FAM120B: variants seen among roughly 807,000 people sequenced by gnomAD.
FAM120B encodes the protein family with sequence similarity 120 member B.
Under a neutral mutation model 96.3 loss-of-function variants are expected in FAM120B, and 83 were observed. That is an observed-to-expected ratio of 0.86 (90% CI 0.72 to 1.03). FAM120B has a LOEUF of 1.03. Ranked by LOEUF, FAM120B falls within the 50% of genes least tolerant of loss-of-function variation. FAM120B has a pLI of 0.00. For synonymous variants in FAM120B, 407 were observed against 402.7 expected, an observed-to-expected ratio of 1.01 and a Z score of -0.13; for missense variants, 1,027 against 1,121.2, an observed-to-expected ratio of 0.92 and a Z score of 1.20.
chr6:170,294,526 C>G (rs1227072042), upstream of FAM120B, among the ~76,000 whole-genome samples: 1 of 152,200 alleles, frequency 6.6e-6, no homozygotes, highest in Non-Finnish European at 1.5e-5. This position sits in a 1 kb window ranked among gnomAD's most constrained non-coding sequence, Gnocchi z 7.9. Flanking sequence ...CACTGAGTAT[C>G]TCCCCACCAT....
intron 1 of FAM120B, among the ~76,000 whole-genome samples, chr6:170,297,018 C>G (rs1409020562): frequency 1.3e-5 from 2 of 152,268 alleles, no homozygotes; most frequent in African/African-American, 4.8e-5. Flanking sequence ...ATCACCCACG[C>G]TGGGCTCAGC....
chr6:170,318,070 G>A lies in FAM120B; in HGVS notation c.680G>A (p.Cys227Tyr), dbSNP rs767495322. ...GTGGCCGACCTTCCTCTTCTGGCCT[G>A]CCTCCTTGGCAACGACATAATCCCA... ...LCVADLPLLA[C>Y]LLGNDIIPEG... Residue 227 changes from cysteine (C) to tyrosine (Y), a missense_variant, in exon 2 of 11, where the codon TGC becomes TAC. By Grantham distance (194) the Cys-to-Tyr change is radical. Coordinates refer to ENST00000476287, the MANE Select transcript of FAM120B (RefSeq NM_032448.3). 1.9e-6 allele frequency: 3 copies of A among 1,614,050 alleles called. No homozygotes were observed. Among genetic ancestry groups the A allele is most frequent in the African/African-American group, 1.3e-5 (1 of 74,928 alleles).
At chr6:170,388,724 A>C (rs866394990) in intron 7 of FAM120B, among the ~76,000 whole-genome samples, 1 of 152,184 alleles carries the variant, frequency 6.6e-6, no homozygotes, top group Non-Finnish European at 1.5e-5. Flanking sequence ...TGGATTTTGA[A>C]TGTTTTTGGA....
upstream of FAM120B, chr6:170,306,571 G>A (rs1422143681): frequency 6.6e-6 from 1 of 152,198 alleles, no homozygotes; most frequent in Admixed American, 6.5e-5. Context: ...CAGTTGCTGT[G>A]GCAACAGGCC....
At chr6:170,308,393 T>C (rs548001654) in intron 1 of FAM120B, among the ~76,000 whole-genome samples, 12 of 152,312 alleles carry the variant, frequency 7.9e-5, no homozygotes, top group African/African-American at 2.9e-4. Flanking sequence ...GTTTGGTTTC[T>C]AACCACCTAA....
At chr6:170,340,985 A>G (rs1786783979) in intron 4 of FAM120B, among the ~76,000 whole-genome samples, 1 of 152,220 alleles carries the variant, frequency 6.6e-6, no homozygotes, top group African/African-American at 2.4e-5. Context: ...TTGAGGAAGC[A>G]GTCTGTCCCT....
At chr6:170,303,702 C>G (rs563932349), upstream of FAM120B, among the ~76,000 whole-genome samples, 3 of 152,296 alleles carry the variant, frequency 2.0e-5, no homozygotes, top group East Asian at 5.8e-4. Context: ...CGTAAGGTCA[C>G]CTCCCTTTTT....
chr6:170,354,116 C>G (rs1787747514), intron 5 of FAM120B, among the ~76,000 whole-genome samples: 1 of 152,088 alleles, frequency 6.6e-6, no homozygotes, highest in African/African-American at 2.4e-5. Context: ...GAAATAAGAC[C>G]ACACATCTAC....
chr6:170,403,570 ACT>A (rs1269562097), intron 9 of FAM120B, among the ~76,000 whole-genome samples: 2 of 152,192 alleles, frequency 1.3e-5, no homozygotes, highest in African/African-American at 4.8e-5. Context: ...CCTGGCCTGA[ACT>A]CTCTGGTCCA....
intron 9 of FAM120B, among the ~76,000 whole-genome samples, chr6:170,396,344 G>A (rs1778161439): frequency 6.6e-6 from 1 of 152,176 alleles, no homozygotes; most frequent in African/African-American, 2.4e-5. Context: ...GGAGGCTGCG[G>A]GGCCGCACAT....
chr6:170,302,429 C>A (rs1784161454), upstream of FAM120B, among the ~76,000 whole-genome samples: 1 of 152,196 alleles, frequency 6.6e-6, no homozygotes, highest in Non-Finnish European at 1.5e-5. Context: ...GGGACACAGC[C>A]AAACCATATC....
At chr6:170,316,624 C>T (rs1049992060) in intron 1 of FAM120B, among the ~76,000 whole-genome samples, 3 of 152,222 alleles carry the variant, frequency 2.0e-5, no homozygotes, top group African/African-American at 7.2e-5. Flanking sequence ...CAGTCAATCA[C>T]TATCTCAGAT....
intron 9 of FAM120B, among the ~76,000 whole-genome samples, chr6:170,400,605 G>A (rs1198208308): frequency 2.6e-5 from 4 of 152,118 alleles, no homozygotes; most frequent in Admixed American, 1.3e-4. Flanking sequence ...CTGCAGGGAC[G>A]GCACCTCCAC....
intron 1 of FAM120B, among the ~76,000 whole-genome samples, chr6:170,313,279 AG>A (rs966799164): frequency 2.6e-5 from 4 of 152,318 alleles, no homozygotes; most frequent in Admixed American, 2.0e-4. Flanking sequence ...GGTGTTTAAG[AG>A]GTCCCTATGA....
chr6:170,401,863 T>C (rs1293755637), intron 9 of FAM120B, among the ~76,000 whole-genome samples: 1 of 152,246 alleles, frequency 6.6e-6, no homozygotes, highest in East Asian at 1.9e-4. Context: ...GTTCCAAGCA[T>C]TTCAGAAAGG....
chr6:170,400,764 G>A lies in FAM120B; in HGVS notation c.2693-3786G>A, dbSNP rs926401712. ...TTCTGTTAAAAATAAAGCAATGTCC[G>A]TCCTACCTCAGTATCGCTGTTCTTG... is the stretch of plus-strand genomic sequence containing the variant. On this transcript the variant is annotated intron_variant, in intron 9 of 10. Coordinates refer to ENST00000476287, the MANE Select transcript of FAM120B (RefSeq NM_032448.3). 3.3e-5 allele frequency among the ~76,000 whole-genome samples: 5 copies of A among 152,252 alleles called. No homozygotes were observed. The South Asian group carries it at 8.3e-4, about 25-fold the overall frequency.
intron 6 of FAM120B, among the ~76,000 whole-genome samples, chr6:170,367,395 T>C (rs1788867439): frequency 6.6e-6 from 1 of 152,250 alleles, no homozygotes; most frequent in African/African-American, 2.4e-5. Context: ...GAAACGCAAA[T>C]TTCTATGTCC....
Position 170,295,483 on chromosome 6 carries a change from C to A in FAM120B, c.48+30C>A, listed in dbSNP as rs1783976506. The A allele has an allele frequency of 1.4e-6, 1 of 696,278 alleles. No homozygotes were observed. The highest frequency in any genetic ancestry group is 2.6e-6 in the Non-Finnish European group (1 of 382,084). The allele number at this position is 696,278 out of a possible 1,614,324, so 43.1% of individuals were successfully genotyped here. A position where few individuals can be genotyped will look rare whatever the true frequency, so the allele number is the denominator to read the frequency against. On this transcript the variant is annotated intron_variant, in intron 1 of 10. Transcript: ENST00000537664. This position sits in a 1 kb window ranked among gnomAD's most constrained non-coding sequence, Gnocchi z 7.8. ...GCGCCGCCCGCGTGCACACAAGGCG[C>A]GCGGCCCCCAGGCAGCCGCGCTTCC... is the stretch of plus-strand genomic sequence containing the variant.
intron 4 of FAM120B, among the ~76,000 whole-genome samples, chr6:170,336,282 C>G (rs1465217703): frequency 6.6e-6 from 1 of 152,184 alleles, no homozygotes; most frequent in Non-Finnish European, 1.5e-5. Flanking sequence ...CCAGTTTTCA[C>G]AGCACCATTT....
Sources: gnomAD v4.1 joint callset for allele counts (sites outside exome capture counted in the v4.1 genomes callset) on GRCh38, gnomAD v4.1.1 for gene constraint, Gnocchi (gnomAD v3.1) non-coding constraint, MANE v1.5 for transcripts, NCBI Gene and HGNC (gene_info 2026-07-23, HGNC 2026-07-21) for gene names.